Variants in GNS observed in about 807,000 individuals in gnomAD.
GNS encodes the protein glucosamine (N-acetyl)-6-sulfatase, also known as N-acetylglucosamine-6-sulfatase.
Under a neutral mutation model 69.7 loss-of-function variants are expected in GNS, and 40 were observed. The observed-to-expected ratio is 0.57, with a 90% CI of 0.45 to 0.75. The LOEUF (loss-of-function observed/expected upper bound fraction) is 0.75. Among genes scored for constraint, GNS ranks in the 30% least tolerant of loss-of-function variants. The pLI, the probability that GNS is intolerant of heterozygous loss-of-function variation, is 0.00. For missense variants in GNS, 565 were observed against 685.5 expected (o/e 0.82, Z 1.96); for synonymous variants, 243 against 251.6 (o/e 0.97, Z 0.32).
intron 2 of GNS, among the ~76,000 whole-genome samples, 178 bp downstream of exon 2, chr12:64,752,517 ATCT>A (rs1371725093): frequency 6.6e-6 from 1 of 152,254 alleles, no homozygotes; most frequent in East Asian, 1.9e-4. Context: ...TCTGCAATTA[ATCT>A]TCAATTGATA....
chr12:64,748,842 A>T (rs1490065358), intron 2 of GNS, among the ~76,000 whole-genome samples: 2 of 152,234 alleles, frequency 1.3e-5, no homozygotes, highest in African/African-American at 4.8e-5. Flanking sequence ...CCAGCAGGGA[A>T]GGAATGGGCA....
chr12:64,720,839 A>T (rs1017466225), intron 12 of GNS, among the ~76,000 whole-genome samples: 1 of 152,220 alleles, frequency 6.6e-6, no homozygotes, highest in Admixed American at 6.5e-5. Context: ...TTTGCCTATA[A>T]TGGCTTCAGG....
rs1255834566 is a variant in GNS at position 64,715,859 on chromosome 12, G to T, written c.*882C>A. ...TGTTCAAGAGCCCTGTCTTCAGAAG[G>T]CCCTCGGAAGAGACAACCTTCACCA... On this transcript the variant is annotated 3_prime_UTR_variant, in exon 14 of 14. Coordinates refer to ENST00000258145, the MANE Select transcript of GNS (RefSeq NM_002076.4). 1 of 152,188 alleles carries T rather than the reference G, an allele frequency of 6.6e-6. No individual in the cohort carries two copies. The highest frequency in any genetic ancestry group is 1.5e-5 in the Non-Finnish European group (1 of 68,066). 9.4% of individuals were successfully genotyped at this position (152,188 alleles called of 1,614,324 possible).
intron 9 of GNS, among the ~76,000 whole-genome samples, chr12:64,733,297 CAAAAAAAAAAAAA>C (rs961321163): frequency 7.5e-5 from 2 of 26,650 alleles, no homozygotes; most frequent in South Asian, 2.1e-3. Flanking sequence ...GACCCTGTCT[CAAAAAAAAAAAAA>C]AAAAAAAAAA....
Position 64,722,979 on chromosome 12 carries a change from T to C in GNS, c.1308+27A>G, listed in dbSNP as rs757021630. ...TGCCATGTTGTCAGTGAGAAAGCTG[T>C]CTAAGTTGATTCAAGCTATTACTCA... On this transcript the variant is annotated intron_variant, in intron 11 of 13. Coordinates refer to ENST00000258145, the MANE Select transcript of GNS (RefSeq NM_002076.4). 3.0e-6 allele frequency: 4 copies of C among 1,318,066 alleles called. No individual in the cohort carries two copies. In the South Asian group the frequency reaches 3.5e-5, roughly 12 times the overall value. 81.6% of individuals were successfully genotyped at this position (1,318,066 alleles called of 1,614,324 possible).
At chr12:64,732,859 A>C (rs890062578) in intron 9 of GNS, among the ~76,000 whole-genome samples, 2 of 152,202 alleles carry the variant, frequency 1.3e-5, no homozygotes, top group African/African-American at 4.8e-5. Context: ...TTGGCCTCCC[A>C]AAGTGCTAGG....
intron 5 of GNS, 132 bp from the exon 6 acceptor site, chr12:64,743,440 T>G: frequency 1.4e-6 from 1 of 698,030 alleles, no homozygotes; most frequent in East Asian, 2.7e-5. Context: ...TGATCTTATG[T>G]CATAGCCATT....
intron 1 of GNS, among the ~76,000 whole-genome samples, chr12:64,753,791 T>C (rs1870155560): frequency 6.6e-6 from 1 of 152,228 alleles, no homozygotes; most frequent in Admixed American, 6.5e-5. Flanking sequence ...AAAGCTCTGA[T>C]AATTTCATGA....
At position 64,743,263 on chromosome 12, in the gene GNS, G is replaced by T. The variant is rs1458392400; in HGVS notation, c.670C>A (p.Pro224Thr). The T allele has an allele frequency of 6.2e-7, 1 of 1,612,884 alleles. No individual in the cohort carries two copies. Among genetic ancestry groups the T allele is most frequent in the Non-Finnish European group, 8.5e-7 (1 of 1,179,040 alleles). Residue 224 changes from proline to threonine, a missense_variant, in exon 6 of 14, where the codon CCC becomes ACC. By Grantham distance (38) the Pro-to-Thr change is conservative. Transcript: ENST00000258145. Reference protein sequence around the residue: ...DFLDYKSNFEPFFMMIATPAP... With the variant: ...DFLDYKSNFETFFMMIATPAP... Reference sequence around the variant, plus strand: ...GGAGTGGCGATCATCATGAAGAAGGGCTCAAAGTTGGACTTGTAGTCCAGA... The same window carrying T: ...GGAGTGGCGATCATCATGAAGAAGGTCTCAAAGTTGGACTTGTAGTCCAGA...
At chr12:64,749,614 TTA>T (rs1235476396) in intron 2 of GNS, among the ~76,000 whole-genome samples, 1 of 152,208 alleles carries the variant, frequency 6.6e-6, no homozygotes, top group Non-Finnish European at 1.5e-5. Flanking sequence ...CTGACTGTGT[TTA>T]TGTGAACGGT....
At chr12:64,717,491 A>G (rs1868897837) in intron 13 of GNS, among the ~76,000 whole-genome samples, 1 of 149,248 alleles carries the variant, frequency 6.7e-6, no homozygotes, top group Non-Finnish European at 1.5e-5. Flanking sequence ...AGCTGGGAAC[A>G]CTGGCGTGCG....
chr12:64,743,062 G>C, intron 6 of GNS, 79 bp downstream of exon 6: 1 of 1,093,220 alleles, frequency 9.1e-7, no homozygotes, highest in South Asian at 1.2e-5. Context: ...CCACTACATG[G>C]CTCAAAGGCT....
At chr12:64,716,854 C>T in intron 13 of GNS, 35 bp from the exon 14 acceptor site, 1 of 1,253,458 alleles carries the variant, frequency 8.0e-7, no homozygotes, top group East Asian at 2.3e-5. Context: ...CATTAGCTCT[C>T]ACTAGCTTCT....
At chr12:64,723,645 G>C (rs1869103727) in intron 10 of GNS, among the ~76,000 whole-genome samples, 1 of 152,212 alleles carries the variant, frequency 6.6e-6, no homozygotes, top group African/African-American at 2.4e-5. Context: ...TACATTCATG[G>C]TGTGGAAGGA....
chr12:64,737,671 T>G (rs1869596947), intron 8 of GNS, among the ~76,000 whole-genome samples: 1 of 152,216 alleles, frequency 6.6e-6, no homozygotes, highest in Non-Finnish European at 1.5e-5. Context: ...GAGCTAAGGC[T>G]GAAACCACCT....
intron 6 of GNS, among the ~76,000 whole-genome samples, chr12:64,742,081 T>C (rs1460368255): frequency 3.3e-5 from 5 of 152,116 alleles, no homozygotes; most frequent in Non-Finnish European, 7.4e-5. Flanking sequence ...AGTGCAGTGG[T>C]GCGATCTCGG....
At position 64,759,138 on chromosome 12, in the gene GNS, G is replaced by C. The variant is rs1381361257; in HGVS notation, c.139C>G (p.Pro47Ala). The change falls in exon 1 of 14, where the codon CCC becomes GCC. Residue 47 changes from proline to alanine, a missense_variant. This residue lies in a region of GNS where 181 missense variants were observed against 174.4 expected (regional missense o/e 1.04). Coordinates refer to ENST00000258145, the MANE Select transcript of GNS (RefSeq NM_002076.4). ...TCCGTGAGGAGCAGCACCACGTTGG[G>C]CCTCCGGGTTCCCGCAGCCACCCCG... ...VFGVAAGTRR[P>A]NVVLLLTDDQ... 1 of 1,560,350 alleles carries C rather than the reference G, an allele frequency of 6.4e-7. No homozygotes were observed. The highest frequency in any genetic ancestry group is 8.7e-7 in the Non-Finnish European group (1 of 1,152,524).
rs1565880693 is a variant in GNS at position 64,721,634 on chromosome 12, T to C, written c.1380A>G (p.Ala460=). Residue 460 remains alanine (A), a synonymous_variant, in exon 12 of 14, where the codon GCA becomes GCG. Coordinates refer to ENST00000258145, the MANE Select transcript of GNS (RefSeq NM_002076.4). ...NTYACVRTMS[A]LWNLQYCEFD... ...ACTCGCAATACTGCAAATTCCACAA[T>C]GCTGACATTGTCCTCACACAGGCAT... 4 of 1,598,002 alleles carry C rather than the reference T, an allele frequency of 2.5e-6. No homozygotes were observed. The highest frequency in any genetic ancestry group is 2.2e-5 in the East Asian group (1 of 44,800).
intron 6 of GNS, among the ~76,000 whole-genome samples, chr12:64,741,302 C>T (rs1037803264): frequency 1.5e-4 from 23 of 151,154 alleles, no homozygotes; most frequent in African/African-American, 5.1e-4. Context: ...GAGCCGAGAT[C>T]GCACTACTAC....
Sources: gnomAD v4.1 joint callset for allele counts (sites outside exome capture counted in the v4.1 genomes callset) on GRCh38, gnomAD v4.1.1 for gene constraint, gnomAD v4.1.1 regional missense constraint, MANE v1.5 for transcripts, NCBI Gene and HGNC (gene_info 2026-07-23, HGNC 2026-07-21) for gene names.